Variants in RERG observed in about 807,000 individuals in gnomAD.
The protein encoded by RERG is RAS like estrogen regulated growth inhibitor, also known as ras-related and estrogen-regulated growth inhibitor.
A neutral mutation model predicts 23.2 loss-of-function variants in RERG; 25 were observed. The observed-to-expected ratio is 1.08, with a 90% CI of 0.79 to 1.50. The LOEUF is 1.50. Ranked by LOEUF, RERG falls within the 40% of genes most tolerant of loss-of-function variation. RERG has a pLI of 0.00. For synonymous variants in RERG, 81 were observed against 89.1 expected (o/e 0.91, Z 0.51); for missense variants, 253 against 250.1 (o/e 1.01, Z -0.08).
chr12:15,201,251 T>C (rs773115970), intron 2 of RERG, among the ~76,000 whole-genome samples: 6 of 151,784 alleles, frequency 4.0e-5, no homozygotes, highest in Non-Finnish European at 8.9e-5. Flanking sequence ...AAGAAAATAT[T>C]TGTCGAGTGT....
chr12:15,214,380 C>T (rs765345720), intron 2 of RERG, among the ~76,000 whole-genome samples: 4 of 152,114 alleles, frequency 2.6e-5, no homozygotes, highest in Non-Finnish European at 4.4e-5. Flanking sequence ...TACGACTCCT[C>T]GTTAGCAAAT....
intron 2 of RERG, among the ~76,000 whole-genome samples, chr12:15,124,774 T>C (rs1863906378): frequency 6.6e-6 from 1 of 151,966 alleles, no homozygotes; most frequent in Non-Finnish European, 1.5e-5. Flanking sequence ...TTTATGGGAC[T>C]GTGGTGAGTT....
intron 4 of RERG, among the ~76,000 whole-genome samples, chr12:15,109,831 C>T (rs1046798365): frequency 9.9e-5 from 15 of 152,136 alleles, no homozygotes; most frequent in Admixed American, 3.3e-4. Context: ...TAGTTGAGCA[C>T]ATCACTTTTG....
Position 15,205,661 on chromosome 12 carries a change from G to T in RERG, c.61+11768C>A, listed in dbSNP as rs61356798. Among the ~76,000 whole-genome samples, 1,028 of 147,444 alleles carry T rather than the reference G, an allele frequency of 7.0e-3. 5 individuals carry two copies. The highest frequency in any genetic ancestry group is 0.023 in the African/African-American group (945 of 40,472). ...ATAACTCAATTACTTTTCAGACAAA[G>T]TCACAATTTTTTATTTGTACTTTTT... On this transcript the variant is annotated intron_variant, in intron 2 of 4. Transcript: ENST00000256953.
intron 2 of RERG, among the ~76,000 whole-genome samples, chr12:15,144,589 G>T (rs1864298205): frequency 6.6e-6 from 1 of 152,202 alleles, no homozygotes; most frequent in Non-Finnish European, 1.5e-5. Context: ...AAATAAACAC[G>T]ATGAGAACTG....
At chr12:15,169,478 C>G (rs1457201225) in intron 2 of RERG, among the ~76,000 whole-genome samples, 1 of 152,142 alleles carries the variant, frequency 6.6e-6, no homozygotes, top group African/African-American at 2.4e-5. Context: ...CATTGATCTC[C>G]TCCTCCTCTT....
At chr12:15,159,417 T>C (rs962182625) in intron 2 of RERG, among the ~76,000 whole-genome samples, 1 of 152,242 alleles carries the variant, frequency 6.6e-6, no homozygotes, top group Non-Finnish European at 1.5e-5. Context: ...GGGAGAATTA[T>C]TATTGATTTA....
intron 2 of RERG, among the ~76,000 whole-genome samples, chr12:15,175,130 G>A (rs1230142213): frequency 1.3e-5 from 2 of 151,246 alleles, no homozygotes; most frequent in Non-Finnish European, 2.9e-5. Flanking sequence ...GTGGGTGTGT[G>A]TGAGAAAGGT....
rs192594195 is a variant in RERG at position 15,136,750 on chromosome 12, G to A, written c.62-15631C>T. On this transcript the variant is annotated intron_variant, in intron 2 of 4. Coordinates refer to ENST00000256953, the MANE Select transcript of RERG (RefSeq NM_032918.3). Reference sequence around the variant, plus strand: ...TGATTTCTAGCTTAATTCCATTGTGGTCTGAGAACATGCTTTCTATGATTT... The same window carrying A: ...TGATTTCTAGCTTAATTCCATTGTGATCTGAGAACATGCTTTCTATGATTT... Among the ~76,000 whole-genome samples the A allele has an allele frequency of 1.2e-4, 19 of 152,036 alleles. No individual in the cohort carries two copies. In the East Asian group the frequency reaches 2.9e-3, roughly 23 times the overall value.
chr12:15,128,316 G>C (rs570369517), intron 2 of RERG, among the ~76,000 whole-genome samples: 50 of 152,312 alleles, frequency 3.3e-4, no homozygotes, highest in African/African-American at 1.2e-3. Context: ...ACGTCTTTAA[G>C]AATGCTGTAG....
At chr12:15,172,671 G>A (rs1864793284) in intron 2 of RERG, among the ~76,000 whole-genome samples, 1 of 152,068 alleles carries the variant, frequency 6.6e-6, no homozygotes, top group African/African-American at 2.4e-5. Context: ...CCTAGTGGGT[G>A]CAGGTGGTAT....
chr12:15,154,016 G>A (rs1864483870), intron 2 of RERG, among the ~76,000 whole-genome samples: 1 of 152,102 alleles, frequency 6.6e-6, no homozygotes, highest in Non-Finnish European at 1.5e-5. Flanking sequence ...ACGGCCTGAG[G>A]TTACCAGAAG....
intron 2 of RERG, among the ~76,000 whole-genome samples, chr12:15,205,436 G>A (rs1461773239): frequency 2.6e-5 from 4 of 151,948 alleles, no homozygotes; most frequent in African/African-American, 4.8e-5. Context: ...TTGGAGAACC[G>A]CTAAGAAGTA....
intron 2 of RERG, among the ~76,000 whole-genome samples, chr12:15,195,609 G>T (rs1402206054): frequency 6.7e-6 from 1 of 149,964 alleles, no homozygotes; most frequent in African/African-American, 2.5e-5. Flanking sequence ...GTGCATGTGT[G>T]TGTTGTATTC....
chr12:15,197,913 C>G (rs1865166174), intron 2 of RERG, among the ~76,000 whole-genome samples: 1 of 152,110 alleles, frequency 6.6e-6, no homozygotes, highest in Non-Finnish European at 1.5e-5. Context: ...TGCTGAGTCC[C>G]TTTTGCCCAA....
chr12:15,149,266 T>A (rs930109611), intron 2 of RERG, among the ~76,000 whole-genome samples: 1 of 152,176 alleles, frequency 6.6e-6, no homozygotes, highest in Non-Finnish European at 1.5e-5. Context: ...AAATCAAGAC[T>A]TTTTCATCTA....
At chr12:15,149,586 T>C (rs1864403467) in intron 2 of RERG, among the ~76,000 whole-genome samples, 1 of 152,190 alleles carries the variant, frequency 6.6e-6, no homozygotes, top group Non-Finnish European at 1.5e-5. Flanking sequence ...AGGGGAAAAG[T>C]GCTACTTCTA....
At chr12:15,179,297 A>G (rs556737497) in intron 2 of RERG, among the ~76,000 whole-genome samples, 1 of 152,192 alleles carries the variant, frequency 6.6e-6, no homozygotes, top group Non-Finnish European at 1.5e-5. Context: ...CACTTTCTGC[A>G]ATCTCAAAAG....
chr12:15,181,368 CTTTG>C (rs936251186), intron 2 of RERG, among the ~76,000 whole-genome samples: 12 of 152,304 alleles, frequency 7.9e-5, no homozygotes, highest in East Asian at 7.7e-4. Flanking sequence ...AAATTTCTTT[CTTTG>C]TTTGTGTTCA....
Sources: allele counts gnomAD v4.1 joint callset (sites outside exome capture counted in the v4.1 genomes callset), GRCh38; gene constraint gnomAD v4.1.1; transcripts MANE v1.5; gene names NCBI Gene and HGNC (gene_info 2026-07-23, HGNC 2026-07-21).